TTC28: variants seen among roughly 807,000 people sequenced by gnomAD.
TTC28 encodes tetratricopeptide repeat domain 28.
TTC28 carries 61 observed loss-of-function variants against 198.0 expected under a neutral mutation model. The ratio of observed to expected loss-of-function variants is 0.31; its 90% CI spans 0.25 to 0.38. The LOEUF is 0.38. Among genes scored for constraint, TTC28 ranks in the 10% least tolerant of loss-of-function variants. The pLI is 1.00. For synonymous variants in TTC28, 1,171 were observed against 1,297.8 expected (o/e 0.90, Z 2.10); for missense variants, 2,678 against 3,164.0 (o/e 0.85, Z 3.69).
At chr22:28,263,420 C>T (rs781606579) in intron 5 of TTC28, among the ~76,000 whole-genome samples, 1 of 151,958 alleles carries the variant, frequency 6.6e-6, no homozygotes, top group East Asian at 1.9e-4. Context: ...ACATCTCATG[C>T]CAGTGACACA....
intron 13 of TTC28, among the ~76,000 whole-genome samples, chr22:28,028,319 T>C (rs149409521): frequency 5.9e-4 from 90 of 152,286 alleles, no homozygotes; most frequent in African/African-American, 2.0e-3. Context: ...GGAGATTGTG[T>C]TGTATAAGTG....
intron 12 of TTC28, among the ~76,000 whole-genome samples, chr22:28,037,185 G>A (rs1939394780): frequency 6.6e-6 from 1 of 152,162 alleles, no homozygotes; most frequent in Admixed American, 6.5e-5. Flanking sequence ...GCATCATCCT[G>A]ATACCAAAGC....
At chr22:28,613,525 A>G (rs1054224442) in intron 2 of TTC28, among the ~76,000 whole-genome samples, 2 of 152,248 alleles carry the variant, frequency 1.3e-5, no homozygotes, top group Non-Finnish European at 2.9e-5. Context: ...AATATCCCTG[A>G]TGAGCATCGA....
intron 5 of TTC28, among the ~76,000 whole-genome samples, chr22:28,255,844 T>TA (rs149279857): frequency 0.016 from 2,373 of 152,200 alleles, 80 homozygotes; most frequent in African/African-American, 0.055. Flanking sequence ...ATAGCATACA[T>TA]AAATATGCAC....
At chr22:28,526,751 GT>G (rs1263832418) in intron 2 of TTC28, among the ~76,000 whole-genome samples, 1 of 151,792 alleles carries the variant, frequency 6.6e-6, no homozygotes, top group Non-Finnish European at 1.5e-5. Context: ...TTGTTTGTTT[GT>G]TTTTTTATTT....
chr22:28,122,424 T>A (rs8137523), intron 6 of TTC28, among the ~76,000 whole-genome samples: 2,935 of 152,288 alleles, frequency 0.019, 103 homozygotes, highest in African/African-American at 0.067. Flanking sequence ...ATTTTCTGTT[T>A]CTTATAGTCA....
chr22:28,654,341 T>A (rs562933145), intron 1 of TTC28, among the ~76,000 whole-genome samples: 8 of 152,104 alleles, frequency 5.3e-5, no homozygotes, highest in South Asian at 2.1e-4. Flanking sequence ...ATATATATAT[T>A]TTTTTGAGGC....
chr22:28,222,059 T>C (rs968432226), intron 5 of TTC28, among the ~76,000 whole-genome samples: 1 of 152,190 alleles, frequency 6.6e-6, no homozygotes, highest in Non-Finnish European at 1.5e-5. Context: ...CTCACCTCCA[T>C]TTCCGCCTGC....
intron 12 of TTC28, among the ~76,000 whole-genome samples, chr22:28,041,380 CAG>C (rs1311102130): frequency 1.3e-5 from 2 of 152,192 alleles, no homozygotes; most frequent in Non-Finnish European, 2.9e-5. Context: ...GGTACCAAAA[CAG>C]ATATATAGAC....
At position 28,336,458 on chromosome 22, in the gene TTC28, C is replaced by T. The variant is rs145005330; in HGVS notation, c.382-29815G>A. ...CTCTGGTAGAATTCAGCAGTGAATC[C>T]ATCTGGTCCTGGACTTTTTTTGGTT... On this transcript the variant is annotated intron_variant, in intron 2 of 22. Transcript: ENST00000397906. 2.2e-3 allele frequency among the ~76,000 whole-genome samples: 342 copies of T among 152,222 alleles called. 5 individuals are homozygous for T. The highest frequency in any genetic ancestry group is 0.02 in the Admixed American group (307 of 15,286).
At chr22:28,635,651 A>T (rs997418236) in intron 1 of TTC28, among the ~76,000 whole-genome samples, 29 of 152,104 alleles carry the variant, frequency 1.9e-4, no homozygotes, top group Non-Finnish European at 2.2e-4. Context: ...TCCTGTTATA[A>T]ATTTTTCTAG....
At chr22:28,272,513 T>C (rs1016821885) in intron 5 of TTC28, among the ~76,000 whole-genome samples, 1 of 152,188 alleles carries the variant, frequency 6.6e-6, no homozygotes, top group African/African-American at 2.4e-5. Context: ...AAGATCCTTA[T>C]CTGATCCAAA....
intron 19 of TTC28, among the ~76,000 whole-genome samples, chr22:27,992,102 G>C (rs1357566822): frequency 6.6e-6 from 1 of 152,170 alleles, no homozygotes; most frequent in Non-Finnish European, 1.5e-5. Context: ...ACAAGGTTCA[G>C]GAGACCACCG....
At chr22:28,505,900 G>A (rs1457661985) in intron 2 of TTC28, among the ~76,000 whole-genome samples, 1 of 152,208 alleles carries the variant, frequency 6.6e-6, no homozygotes, top group Non-Finnish European at 1.5e-5. Flanking sequence ...GGAGTTCCCG[G>A]GGAAGAAGGG....
chr22:28,619,988 A>C (rs1367703642), intron 2 of TTC28, among the ~76,000 whole-genome samples: 1 of 152,214 alleles, frequency 6.6e-6, no homozygotes, highest in East Asian at 1.9e-4. Flanking sequence ...CATCTGCATC[A>C]ATTTACAATG....
At chr22:28,598,756 T>C (rs1243817252) in intron 2 of TTC28, among the ~76,000 whole-genome samples, 1 of 152,188 alleles carries the variant, frequency 6.6e-6, no homozygotes, top group Non-Finnish European at 1.5e-5. Flanking sequence ...CTCTCTTAAA[T>C]CTGCTAATGT....
At chr22:28,612,796 C>T (rs1230486093) in intron 2 of TTC28, among the ~76,000 whole-genome samples, 2 of 152,086 alleles carry the variant, frequency 1.3e-5, no homozygotes, top group East Asian at 3.9e-4. Context: ...AGAACAAAGA[C>T]ACAATGTGCC....
chr22:28,075,852 G>A (rs561855472), intron 12 of TTC28, among the ~76,000 whole-genome samples: 24 of 152,216 alleles, frequency 1.6e-4, no homozygotes, highest in African/African-American at 2.6e-4. Context: ...TCTTTGTTCC[G>A]ACCTTTATCA....
intron 2 of TTC28, among the ~76,000 whole-genome samples, chr22:28,369,204 C>G (rs1427570654): frequency 6.6e-6 from 1 of 152,036 alleles, no homozygotes; most frequent in Non-Finnish European, 1.5e-5. Flanking sequence ...CTATAGTAAC[C>G]AAAACAGCAT....
Sources: allele counts gnomAD v4.1 joint callset (sites outside exome capture counted in the v4.1 genomes callset), GRCh38; gene constraint gnomAD v4.1.1; transcripts MANE v1.5; gene names NCBI Gene and HGNC (gene_info 2026-07-23, HGNC 2026-07-21).